The following ACSL5 variants were observed in gnomAD, a reference collection of about 807,000 sequenced individuals.
ACSL5 encodes the protein long-chain-fatty-acid--CoA ligase 5.
Under a neutral mutation model 84.9 loss-of-function variants are expected in ACSL5, and 50 were observed. The observed-to-expected ratio is 0.59, with a 90% confidence interval of 0.47 to 0.75. ACSL5 has a LOEUF of 0.75. ACSL5 is among the 30% of genes least tolerant of loss of function. The pLI is 0.00. For synonymous variants in ACSL5, 280 were observed against 300.7 expected (o/e 0.93, Z 0.71); for missense variants, 775 against 830.4 (o/e 0.93, Z 0.82).
chr10:112,415,520 T>G (rs1275028925), intron 12 of ACSL5, among the ~76,000 whole-genome samples: 1 of 152,244 alleles, frequency 6.6e-6, no homozygotes, highest in Non-Finnish European at 1.5e-5. Context: ...GTGAGTCTTG[T>G]GAATGTTGAA....
chr10:112,421,652 G>A lies in ACSL5; in HGVS notation c.1374G>A (p.Gly458=), dbSNP rs1197137214. The part of the protein sequence containing the change: ...CTGGCTFTLP[G]DWTSGHVGVP... The stretch of plus-strand genomic sequence containing the variant: ...GTGGCTGTACATTTACATTACCTGG[G>A]GACTGGACATCAGGTAAGTCCTCCA... Residue 458 remains glycine (G), a synonymous_variant, in exon 15 of 21, where the codon GGG becomes GGA. Coordinates refer to ENST00000354655, the MANE Select transcript of ACSL5 (RefSeq NM_203379.2). The A allele has an allele frequency of 1.2e-6, 2 of 1,613,808 alleles. No individual in the cohort carries two copies. The highest frequency in any genetic ancestry group is 2.2e-5 in the South Asian group (2 of 91,072).
intron 1 of ACSL5, among the ~76,000 whole-genome samples, chr10:112,392,936 C>G (rs965611620): frequency 6.6e-6 from 1 of 151,562 alleles, no homozygotes; most frequent in Non-Finnish European, 1.5e-5. Flanking sequence ...TATATATATC[C>G]AGTCTTGTCA....
At chr10:112,426,923 T>A in intron 20 of ACSL5, 64 bp downstream of exon 20, 1 of 1,311,184 alleles carries the variant, frequency 7.6e-7, no homozygotes, top group Non-Finnish European at 1.1e-6. Flanking sequence ...AGTTTCCATC[T>A]AATGAGGTTT....
chr10:112,405,008 G>A (rs1274585144), intron 5 of ACSL5, among the ~76,000 whole-genome samples: 1 of 152,148 alleles, frequency 6.6e-6, no homozygotes, highest in African/African-American at 2.4e-5. Flanking sequence ...CTCTCACCTA[G>A]GTGTTTGGAC....
At chr10:112,421,798 C>T in intron 15 of ACSL5, 133 bp downstream of exon 15, 1 of 1,290,122 alleles carries the variant, frequency 7.8e-7, no homozygotes. Flanking sequence ...GTTTTGGGTC[C>T]AGGCCTGCCT....
intron 3 of ACSL5, among the ~76,000 whole-genome samples, chr10:112,399,656 C>G (rs1843830615): frequency 6.6e-6 from 1 of 152,228 alleles, no homozygotes; most frequent in African/African-American, 2.4e-5. Context: ...GCTTATAGCT[C>G]TTTCTGTGCC....
intron 1 of ACSL5, among the ~76,000 whole-genome samples, chr10:112,391,951 AC>A (rs1466724855): frequency 2.6e-5 from 4 of 151,618 alleles, no homozygotes; most frequent in Admixed American, 6.6e-5. Flanking sequence ...CTTCTTCCTG[AC>A]CCCACCCCCA....
chr10:112,396,309 C>T (rs190281769), intron 2 of ACSL5: 1 of 152,276 alleles, frequency 6.6e-6, no homozygotes, highest in African/African-American at 2.4e-5. Context: ...TCCTCTGCAG[C>T]AGGGGTTGGC....
chr10:112,416,833 G>T, intron 12 of ACSL5, 55 bp from the exon 13 acceptor site: 2 of 1,590,862 alleles, frequency 1.3e-6, no homozygotes, highest in Admixed American at 1.7e-5. Flanking sequence ...CTCACTAATG[G>T]CTTTGATGAG....
chr10:112,379,737 A>G (rs979589162), intron 1 of ACSL5, among the ~76,000 whole-genome samples: 2 of 152,130 alleles, frequency 1.3e-5, no homozygotes, highest in Non-Finnish European at 2.9e-5. Context: ...AGGGCTACAC[A>G]TGTAGTAAGT....
intron 3 of ACSL5, among the ~76,000 whole-genome samples, chr10:112,401,560 G>C (rs902332772): frequency 6.6e-6 from 1 of 152,260 alleles, no homozygotes; most frequent in Non-Finnish European, 1.5e-5. Context: ...CTAAGTTAAT[G>C]AAAGGCTAGG....
At position 112,427,706 on chromosome 10, in the gene ACSL5, T is replaced by A. The variant is rs1381861521; in HGVS notation, c.*348T>A. 2 of 165,358 alleles carry A rather than the reference T, an allele frequency of 1.2e-5. No individual in the cohort carries two copies. The highest frequency in any genetic ancestry group is 3.3e-4 in the East Asian group (2 of 6,026). The allele number at this position is 165,358 out of a possible 1,614,324, so 10.2% of individuals were successfully genotyped here. A position where few individuals can be genotyped will look rare whatever the true frequency, so the allele number is the denominator to read the frequency against. ...GTTCAAGGGTCAAAGGGACCCTCTG[T>A]GCCTTCTTCTTTGTTTTGTGATAAA... On this transcript the variant is annotated 3_prime_UTR_variant, in exon 21 of 21. Coordinates refer to ENST00000354655, the MANE Select transcript of ACSL5 (RefSeq NM_203379.2).
chr10:112,381,092 A>C (rs896122163), intron 1 of ACSL5, among the ~76,000 whole-genome samples: 8 of 152,154 alleles, frequency 5.3e-5, no homozygotes, highest in Non-Finnish European at 1.2e-4. Context: ...TTGCCCCTGG[A>C]AAGAGACAAT....
chr10:112,408,511 T>C lies in ACSL5; in HGVS notation c.522T>C (p.Ile174=). 1.2e-6 allele frequency: 2 copies of C among 1,607,642 alleles called. No individual in the cohort carries two copies. Among genetic ancestry groups the C allele is most frequent in the Non-Finnish European group, 1.7e-6 (2 of 1,174,128 alleles). The change falls in exon 6 of 21, where the codon ATT becomes ATC. Residue 174 remains isoleucine, a synonymous_variant. Transcript: ENST00000354655. ...TGGGACCAGAAGCCATCGTACATATTGTCAACAAGGGTAAAATTTTGCTGT... is the reference window on the plus strand; with the variant it reads ...TGGGACCAGAAGCCATCGTACATATCGTCAACAAGGGTAAAATTTTGCTGT... ...DTLGPEAIVH[I]VNKADIAMVI... is the part of the protein sequence containing the mutation.
chr10:112,378,966 G>C (rs982493346), intron 1 of ACSL5, among the ~76,000 whole-genome samples: 3 of 152,196 alleles, frequency 2.0e-5, no homozygotes, highest in African/African-American at 7.2e-5. Context: ...GAAGCTGGTG[G>C]ATCTCCCAGT....
chr10:112,381,619 G>A (rs1365077353), intron 1 of ACSL5, among the ~76,000 whole-genome samples: 1 of 139,624 alleles, frequency 7.2e-6, no homozygotes, highest in African/African-American at 2.7e-5. Flanking sequence ...AGTGAGCCAA[G>A]ATCGTACCAC....
Position 112,411,606 on chromosome 10 carries a change from A to T in ACSL5, c.870+77A>T, listed in dbSNP as rs1844179239. The stretch of plus-strand genomic sequence containing the variant: ...AGATTTTTATTTTTGAGGTTAGAGC[A>T]GGCAGACACACACACACACATACAC... On this transcript the variant is annotated intron_variant, in intron 10 of 20. Transcript: ENST00000354655. 3.1e-6 allele frequency: 4 copies of T among 1,303,756 alleles called. No individual in the cohort carries two copies. The South Asian group carries it at 4.9e-5, about 16-fold the overall frequency. 80.8% of individuals were successfully genotyped at this position (1,303,756 alleles called of 1,614,324 possible). A position where few individuals can be genotyped will look rare whatever the true frequency, so the allele number is the denominator to read the frequency against.
intron 1 of ACSL5, among the ~76,000 whole-genome samples, chr10:112,389,188 C>T (rs1325107948): frequency 2.0e-5 from 3 of 152,150 alleles, no homozygotes; most frequent in African/African-American, 4.8e-5. Flanking sequence ...ATGGGGTGAT[C>T]ATAACCTAGA....
intron 1 of ACSL5, 96 bp from the exon 2 acceptor site, chr10:112,394,814 GTGTGTGTA>G: frequency 6.6e-7 from 1 of 1,521,362 alleles, no homozygotes. Flanking sequence ...GCGCGCGTGT[GTGTGTGTA>G]TGTGTGTGTG....
Sources: gnomAD v4.1 joint callset for allele counts (sites outside exome capture counted in the v4.1 genomes callset) on GRCh38, gnomAD v4.1.1 for gene constraint, MANE v1.5 for transcripts, NCBI Gene and HGNC (gene_info 2026-07-23, HGNC 2026-07-21) for gene names.